The following SLC35F1 variants were observed in gnomAD, a reference collection of about 807,000 sequenced individuals.
SLC35F1 encodes solute carrier family 35 member F1, also known as chromosome 6 open reading frame 169.
In SLC35F1, 14 loss-of-function variants were observed where a neutral mutation model predicts 48.7. The ratio of observed to expected loss-of-function variants is 0.29; its 90% confidence interval spans 0.19 to 0.45. SLC35F1 has a LOEUF of 0.45. SLC35F1 is among the 20% of genes least tolerant of loss of function. The pLI is 1.00. For missense variants in SLC35F1, 404 were observed against 500.0 expected, an observed-to-expected ratio of 0.81 and a Z score of 1.83; for synonymous variants, 190 against 202.2, an observed-to-expected ratio of 0.94 and a Z score of 0.51.
At chr6:118,246,234 G>T (rs185738499) in intron 3 of SLC35F1, among the ~76,000 whole-genome samples, 1 of 152,256 alleles carries the variant, frequency 6.6e-6, no homozygotes, top group East Asian at 1.9e-4. Context: ...CCTTGCTAAA[G>T]AAGTCAAGAA....
intron 1 of SLC35F1, among the ~76,000 whole-genome samples, chr6:117,944,438 A>G (rs1776269038): frequency 6.6e-6 from 1 of 152,200 alleles, no homozygotes; most frequent in African/African-American, 2.4e-5. Flanking sequence ...CCATGCTGCA[A>G]TTGAAAAATG....
chr6:118,244,842 G>A (rs896136959), intron 3 of SLC35F1, among the ~76,000 whole-genome samples: 7 of 152,130 alleles, frequency 4.6e-5, no homozygotes, highest in Admixed American at 2.6e-4. Context: ...TCACAGTATC[G>A]TGTATGTGAT....
At chr6:118,216,406 C>A (rs1327413648) in intron 2 of SLC35F1, among the ~76,000 whole-genome samples, 2 of 150,074 alleles carry the variant, frequency 1.3e-5, no homozygotes, top group African/African-American at 2.5e-5. Flanking sequence ...ATTTCTACTA[C>A]TAAAATGTTG....
chr6:118,305,977 A>G (rs1236421901), intron 7 of SLC35F1, among the ~76,000 whole-genome samples: 1 of 152,152 alleles, frequency 6.6e-6, no homozygotes, highest in Non-Finnish European at 1.5e-5. Context: ...TGTAGTTTCT[A>G]TTGACTTTTA....
At chr6:118,291,340 A>AT (rs1478098649) in intron 7 of SLC35F1, among the ~76,000 whole-genome samples, 18 of 82,048 alleles carry the variant, frequency 2.2e-4, no homozygotes, top group African/African-American at 9.9e-4. Flanking sequence ...GGGAAGATAC[A>AT]TAAAAAAAGT....
chr6:118,085,925 T>C (rs1243197685), intron 1 of SLC35F1, among the ~76,000 whole-genome samples: 2 of 152,146 alleles, frequency 1.3e-5, no homozygotes, highest in African/African-American at 4.8e-5. Context: ...TGACTTCTGA[T>C]GATCAAATTT....
chr6:118,254,622 T>C (rs1221340690), intron 3 of SLC35F1, among the ~76,000 whole-genome samples: 4 of 152,138 alleles, frequency 2.6e-5, no homozygotes, highest in African/African-American at 9.7e-5. Flanking sequence ...AACCTAGAAA[T>C]AAAACCCAAA....
At chr6:118,093,246 G>T (rs1773102659) in intron 1 of SLC35F1, among the ~76,000 whole-genome samples, 1 of 152,078 alleles carries the variant, frequency 6.6e-6, no homozygotes, top group African/African-American at 2.4e-5. Flanking sequence ...AACCCAGCAG[G>T]CGGTGCTTGC....
At chr6:118,097,860 G>C (rs908448984) in intron 1 of SLC35F1, among the ~76,000 whole-genome samples, 3 of 152,166 alleles carry the variant, frequency 2.0e-5, no homozygotes, top group African/African-American at 7.2e-5. Context: ...TTCTTACTAA[G>C]TGAGTAGGTG....
At chr6:118,257,753 A>G (rs1330961658) in intron 3 of SLC35F1, among the ~76,000 whole-genome samples, 1 of 152,228 alleles carries the variant, frequency 6.6e-6, no homozygotes, top group Non-Finnish European at 1.5e-5. Context: ...AAAACATAGT[A>G]CTATACTCAG....
At chr6:118,281,344 C>T (rs528992978) in intron 6 of SLC35F1, among the ~76,000 whole-genome samples, 1 of 152,010 alleles carries the variant, frequency 6.6e-6, no homozygotes, top group Non-Finnish European at 1.5e-5. Context: ...GTCAGGCTGC[C>T]TATGTGACCT....
At chr6:117,996,804 T>G (rs868275375) in intron 1 of SLC35F1, among the ~76,000 whole-genome samples, 2 of 152,008 alleles carry the variant, frequency 1.3e-5, no homozygotes, top group Admixed American at 1.3e-4. Context: ...TCAAAGTAGA[T>G]AAAACCACAA....
intron 2 of SLC35F1, among the ~76,000 whole-genome samples, chr6:118,224,147 T>A (rs1308836778): frequency 6.6e-6 from 1 of 152,240 alleles, no homozygotes; most frequent in Non-Finnish European, 1.5e-5. Context: ...TAGGGAGATT[T>A]ATATGAATAC....
At chr6:118,086,840 A>G (rs540144132) in intron 1 of SLC35F1, among the ~76,000 whole-genome samples, 8 of 152,278 alleles carry the variant, frequency 5.3e-5, no homozygotes, top group Non-Finnish European at 8.8e-5. Flanking sequence ...AGGCTTGCCC[A>G]TGCAGCTCCT....
intron 7 of SLC35F1, among the ~76,000 whole-genome samples, chr6:118,304,872 T>C (rs1307012104): frequency 6.6e-6 from 1 of 151,194 alleles, no homozygotes; most frequent in Non-Finnish European, 1.5e-5. Flanking sequence ...AATCCCATGA[T>C]TTTGATTCTA....
At chr6:118,211,240 T>C (rs1774997618) in intron 2 of SLC35F1, among the ~76,000 whole-genome samples, 1 of 152,218 alleles carries the variant, frequency 6.6e-6, no homozygotes, top group Admixed American at 6.5e-5. Context: ...CTTAGTAAAC[T>C]GACAGACAAC....
At chr6:118,123,058 G>T (rs1773576029) in intron 1 of SLC35F1, among the ~76,000 whole-genome samples, 1 of 152,154 alleles carries the variant, frequency 6.6e-6, no homozygotes. Flanking sequence ...ATTATGAGAT[G>T]CTGAGTAGTT....
In SLC35F1 at chr6:118,297,072, T is replaced by A. The variant is rs553421818; in HGVS notation, c.1002+11734T>A. 3.3e-5 allele frequency among the ~76,000 whole-genome samples: 5 copies of A among 152,286 alleles called. No homozygotes were observed. The South Asian group carries it at 1.0e-3, about 32-fold the overall frequency. ...CTAGGGGCCACCAAGGACTGAAGAC[T>A]TTTTTTCAACTCTATATTTAAAGTG... On this transcript the variant is annotated intron_variant, in intron 7 of 7. Coordinates refer to ENST00000360388, the MANE Select transcript of SLC35F1 (RefSeq NM_001029858.4).
chr6:117,957,501 T>C (rs558317468), intron 1 of SLC35F1, among the ~76,000 whole-genome samples: 1 of 152,352 alleles, frequency 6.6e-6, no homozygotes, highest in Non-Finnish European at 1.5e-5. Flanking sequence ...AACAGTTTTG[T>C]CATACAGTCC....
Sources: allele counts gnomAD v4.1 joint callset (sites outside exome capture counted in the v4.1 genomes callset), GRCh38; gene constraint gnomAD v4.1.1; transcripts MANE v1.5; gene names NCBI Gene and HGNC (gene_info 2026-07-23, HGNC 2026-07-21).